The following C9 variants were observed in gnomAD, a reference collection of about 807,000 sequenced individuals.
C9 encodes complement C9, also known as complement component C9.
In C9, 63 loss-of-function variants were observed where a neutral mutation model predicts 65.4. That is an observed-to-expected ratio of 0.96 (90% CI 0.79 to 1.19). The LOEUF (loss-of-function observed/expected upper bound fraction) is 1.19, where lower values mean the gene tolerates loss of function less well. C9 is among the 50% of genes most tolerant of loss of function. The pLI, the probability that C9 is intolerant of heterozygous loss-of-function variation, is 0.00. For synonymous variants in C9, 229 were observed against 227.9 expected (o/e 1.00, Z -0.04); for missense variants, 744 against 670.1 (o/e 1.11, Z -1.22).
chr5:39,316,029 T>G lies in C9; in HGVS notation c.616A>C (p.Thr206Pro). Reference protein sequence around the residue: ...PWNVASLIYETKGEKNFRTEH... With the variant: ...PWNVASLIYEPKGEKNFRTEH... The stretch of plus-strand genomic sequence containing the variant: ...GTTCTGAAATTTTTCTCGCCTTTGG[T>G]CTAAAAGAGAATAAAAAAGTGTTGT... Residue 206 changes from threonine to proline, a missense_variant and splice_region_variant, in exon 6 of 11, where the codon ACC becomes CCC. Coordinates refer to ENST00000263408, the MANE Select transcript of C9 (RefSeq NM_001737.5). The G allele has an allele frequency of 6.2e-7, 1 of 1,610,108 alleles. No homozygotes were observed. The highest frequency in any genetic ancestry group is 1.3e-5 in the African/African-American group (1 of 74,866).
intron 1 of C9, among the ~76,000 whole-genome samples, chr5:39,342,732 T>A (rs942121211): frequency 4.6e-5 from 7 of 152,108 alleles, no homozygotes; most frequent in African/African-American, 1.7e-4. Context: ...TGCCCTAAAC[T>A]GGATGCCTTG....
At chr5:39,353,867 A>T (rs1579881303) in intron 1 of C9, among the ~76,000 whole-genome samples, 3 of 152,204 alleles carry the variant, frequency 2.0e-5, no homozygotes, top group Admixed American at 6.5e-5. Flanking sequence ...GTTTTTTTTT[A>T]AATGAATAAT....
chr5:39,330,976 A>G (rs941778942), intron 5 of C9, among the ~76,000 whole-genome samples: 3 of 152,210 alleles, frequency 2.0e-5, no homozygotes, highest in African/African-American at 7.2e-5. Flanking sequence ...GCTCTTCTTT[A>G]CCAATGGGAC....
At position 39,341,740 on chromosome 5, in the gene C9, C is replaced by CA. The variant is rs749553455; in HGVS notation, c.184-41dup. 70 of 1,597,010 alleles carry CA rather than the reference C, an allele frequency of 4.4e-5. 1 individual carries two copies. Among genetic ancestry groups the CA allele is most frequent in the Non-Finnish European group, 4.9e-5 (57 of 1,165,928 alleles). ...TTGGAATGATTAGAATTTCTAATGC[C>CA]AAAAAAAGGGTATGGTCTAAAGGTG... On this transcript the variant is annotated intron_variant, in intron 2 of 10. Transcript: ENST00000263408.
intron 4 of C9, among the ~76,000 whole-genome samples, chr5:39,333,968 C>T (rs936090886): frequency 6.6e-6 from 1 of 152,186 alleles, no homozygotes; most frequent in African/African-American, 2.4e-5. Context: ...GCTGCAGCCT[C>T]CACCTCCCAG....
At position 39,306,794 on chromosome 5, in the gene C9, T is replaced by C. The variant is rs113550166; in HGVS notation, c.1241-2A>G. On this transcript the variant is annotated splice_acceptor_variant, in intron 8 of 10. Coordinates refer to ENST00000263408, the MANE Select transcript of C9 (RefSeq NM_001737.5). LOFTEE classifies it high-confidence loss of function. ...TGAGGTTTTCACTGGTGATGTTTAC[T>C]GAGGAGAGAAGGAAGATTTAAAGAG... 3 of 1,606,040 alleles carry C rather than the reference T, an allele frequency of 1.9e-6. No individual in the cohort carries two copies. The highest frequency in any genetic ancestry group is 2.6e-6 in the Non-Finnish European group (3 of 1,172,858).
chr5:39,349,508 G>T (rs1754283201), intron 1 of C9, among the ~76,000 whole-genome samples: 1 of 152,174 alleles, frequency 6.6e-6, no homozygotes, highest in African/African-American at 2.4e-5. Flanking sequence ...CAAAGAACAA[G>T]TCTTATCTCC....
chr5:39,338,403 A>G (rs947838971), intron 4 of C9, among the ~76,000 whole-genome samples: 1 of 152,204 alleles, frequency 6.6e-6, no homozygotes, highest in Non-Finnish European at 1.5e-5. Context: ...TACTAGAACT[A>G]ATCAGTCAAA....
intron 9 of C9, among the ~76,000 whole-genome samples, chr5:39,304,037 T>G (rs149616481): frequency 2.6e-5 from 4 of 152,314 alleles, no homozygotes; most frequent in African/African-American, 9.6e-5. Flanking sequence ...TTTCAAAATT[T>G]AATATTAGAA....
intron 6 of C9, 129 bp downstream of exon 6, chr5:39,315,646 C>T (rs754048832): frequency 1.7e-5 from 12 of 694,724 alleles, no homozygotes; most frequent in Admixed American, 8.6e-5. Context: ...TTCTGACGTG[C>T]TAGCTACATA....
At chr5:39,339,699 G>T (rs1367304238) in intron 4 of C9, among the ~76,000 whole-genome samples, 1 of 112,690 alleles carries the variant, frequency 8.9e-6, no homozygotes, top group Non-Finnish European at 1.6e-5. Flanking sequence ...TTGCTCTGTC[G>T]CCCAGGCTGG....
At chr5:39,339,650 TC>T (rs1754034769) in intron 4 of C9, among the ~76,000 whole-genome samples, 2 of 121,620 alleles carry the variant, frequency 1.6e-5, no homozygotes, top group Admixed American at 1.0e-4. Context: ...GTCTTTTCTC[TC>T]TTTTTTTTTT....
chr5:39,355,501 A>G (rs911591259), intron 1 of C9, among the ~76,000 whole-genome samples: 1 of 152,072 alleles, frequency 6.6e-6, no homozygotes, highest in African/African-American at 2.4e-5. Flanking sequence ...TTGGGACTTA[A>G]TAGAAAGCAC....
chr5:39,331,513 G>A (rs1012587782), intron 5 of C9, among the ~76,000 whole-genome samples, 163 bp downstream of exon 5: 1 of 152,146 alleles, frequency 6.6e-6, no homozygotes, highest in African/African-American at 2.4e-5. Context: ...AGACACAATT[G>A]TATGTTTCTA....
At chr5:39,323,349 C>A (rs905782201) in intron 5 of C9, among the ~76,000 whole-genome samples, 2 of 151,670 alleles carry the variant, frequency 1.3e-5, no homozygotes, top group African/African-American at 4.8e-5. Flanking sequence ...CAAAGCCAGA[C>A]AAGAACACTG....
At chr5:39,358,169 G>C (rs1268962687) in intron 1 of C9, among the ~76,000 whole-genome samples, 1 of 152,102 alleles carries the variant, frequency 6.6e-6, no homozygotes, top group Admixed American at 6.6e-5. Context: ...ATGAGCAAAA[G>C]AAATAATTGC....
chr5:39,302,511 G>C (rs1048328803), intron 9 of C9, among the ~76,000 whole-genome samples: 1 of 152,004 alleles, frequency 6.6e-6, no homozygotes, highest in Admixed American at 6.6e-5. Context: ...ATTTTCACTG[G>C]TACTACAACC....
At chr5:39,337,274 A>G (rs1303191737) in intron 4 of C9, among the ~76,000 whole-genome samples, 2 of 152,196 alleles carry the variant, frequency 1.3e-5, no homozygotes, top group African/African-American at 4.8e-5. Flanking sequence ...TGGTTTGCAT[A>G]TCCTAGTTTG....
In C9 at chr5:39,341,624, T is replaced by A. The variant is rs1754084696; in HGVS notation, c.260A>T (p.Gln87Leu). Residue 87 changes from glutamine (Q) to leucine (L), a missense_variant, in exon 3 of 11, where the codon CAG (glutamine) becomes CTG (leucine). By Grantham distance (113) the Gln-to-Leu change is moderately radical. Transcript: ENST00000263408. ...RCTDAVGDRRQCVPTEPCEDA... is the reference protein window; with the variant it reads ...RCTDAVGDRRLCVPTEPCEDA... ...CTCACAGGGCTCTGTGGGCACACAC[T>A]GTCGTCTGTCTCCCACAGCGTCGGT... is the stretch of plus-strand genomic sequence containing the variant. The A allele has an allele frequency of 6.2e-7, 1 of 1,613,600 alleles. No individual in the cohort carries two copies. The highest frequency in any genetic ancestry group is 1.3e-5 in the African/African-American group (1 of 75,042).
Sources: allele counts gnomAD v4.1 joint callset (sites outside exome capture counted in the v4.1 genomes callset), GRCh38; gene constraint gnomAD v4.1.1; transcripts MANE v1.5; gene names NCBI Gene and HGNC (gene_info 2026-07-23, HGNC 2026-07-21).